Variants in F11R observed in about 807,000 individuals in gnomAD.
The protein encoded by F11R is F11 receptor, also known as junctional adhesion molecule A.
Under a neutral mutation model 39.3 loss-of-function variants are expected in F11R, and 27 were observed. The observed-to-expected ratio is 0.69, with a 90% confidence interval of 0.51 to 0.95. The LOEUF (loss-of-function observed/expected upper bound fraction) is 0.95, where lower values mean the gene tolerates loss of function less well. Ranked by LOEUF, F11R falls within the 40% of genes least tolerant of loss-of-function variation. F11R has a pLI of 0.00. For missense variants in F11R, 335 were observed against 372.7 expected (o/e 0.90, Z 0.83); for synonymous variants, 131 against 144.9 (o/e 0.90, Z 0.69).
chr1:161,018,318 C>A (rs1242258558), intron 1 of F11R, among the ~76,000 whole-genome samples: 1 of 152,188 alleles, frequency 6.6e-6, no homozygotes, highest in Non-Finnish European at 1.5e-5. Context: ...ACAGCAGAGC[C>A]CACAATGAAG....
chr1:161,000,140 A>C lies in F11R; in HGVS notation c.591+6T>G, dbSNP rs869985. On this transcript the variant is annotated splice_donor_region_variant and intron_variant, in intron 5 of 9. Coordinates refer to ENST00000368026, the MANE Select transcript of F11R (RefSeq NM_016946.6). ...CACACATCTTTCACCACCACCCCAT[A>C]CATACCAGCTCTCCTGTTGTGGGAT... 424,225 of 1,612,884 alleles carry C rather than the reference A, an allele frequency of 0.26. 58,895 individuals carry two copies. Among genetic ancestry groups the C allele is most frequent in the Non-Finnish European group, 0.28 (332,448 of 1,179,034 alleles).
At chr1:161,020,575 G>C (rs1171354082) in intron 1 of F11R, among the ~76,000 whole-genome samples, 2 of 152,240 alleles carry the variant, frequency 1.3e-5, no homozygotes, top group African/African-American at 4.8e-5. Flanking sequence ...TTCGAAGACC[G>C]TTAAAGGAGC....
chr1:161,005,412 A>G (rs1648745308), intron 1 of F11R, among the ~76,000 whole-genome samples: 1 of 44,952 alleles, frequency 2.2e-5, no homozygotes, highest in Non-Finnish European at 4.1e-5. Context: ...TGCTGGGCTC[A>G]AGTGACCCAC....
Position 161,006,137 on chromosome 1 carries a change from C to CA in F11R, c.65-4785dup, listed in dbSNP as rs910463399. On this transcript the variant is annotated intron_variant, in intron 1 of 9. Transcript: ENST00000368026. The stretch of plus-strand genomic sequence containing the variant: ...TGGGTAACACAGTGAGACTCCATCT[C>CA]AAAAAAAAAAGGGGGGGGGCACTTC... 9.7e-4 allele frequency among the ~76,000 whole-genome samples: 131 copies of CA among 135,566 alleles called. 1 individual carries two copies. The highest frequency in any genetic ancestry group is 3.1e-3 in the African/African-American group (115 of 36,688). 88.9% of individuals were successfully genotyped at this position (135,566 alleles called of 152,430 possible).
rs754354472 is a variant in F11R, at chr1:161,001,002, G to A, written c.241+18C>T. On this transcript the variant is annotated intron_variant, in intron 3 of 9. Coordinates refer to ENST00000368026, the MANE Select transcript of F11R (RefSeq NM_016946.6). ...CCTCCACAACCTAGGCAATCAGGAA[G>A]GAGGAGAAGCAACTCACCTGTGATC... 3.1e-6 allele frequency: 5 copies of A among 1,599,540 alleles called. No homozygotes were observed. Among genetic ancestry groups the A allele is most frequent in the Non-Finnish European group, 1.7e-6 (2 of 1,166,790 alleles).
rs1415789664 is a variant in F11R at position 160,998,674 on chromosome 1, G to A, written c.*197C>T. The A allele has an allele frequency of 1.6e-6, 1 of 618,676 alleles. No homozygotes were observed. 38.3% of individuals were successfully genotyped at this position (618,676 alleles called of 1,614,324 possible). ...ACAAGTTCCAGGCCACTCAGCAGTG[G>A]TAGGAAAGGGAGGGAGGGCATGAAG... On this transcript the variant is annotated 3_prime_UTR_variant, in exon 10 of 10. Transcript: ENST00000368026.
intron 1 of F11R, among the ~76,000 whole-genome samples, chr1:161,001,596 C>A (rs1170749855): frequency 6.6e-6 from 1 of 152,178 alleles, no homozygotes; most frequent in Middle Eastern, 3.2e-3. Context: ...GTTTCTTTTG[C>A]TTCTAATTTT....
At chr1:161,003,192 C>T (rs1336414330) in intron 1 of F11R, among the ~76,000 whole-genome samples, 3 of 148,136 alleles carry the variant, frequency 2.0e-5, no homozygotes, top group Non-Finnish European at 3.0e-5. Context: ...GGCGCAATCT[C>T]GGCTCACCGC....
intron 1 of F11R, among the ~76,000 whole-genome samples, chr1:161,011,299 C>G (rs1016772319): frequency 6.6e-5 from 10 of 152,154 alleles, no homozygotes; most frequent in Non-Finnish European, 1.3e-4. Context: ...TCCCAAAGTG[C>G]TGGGATTACA....
chr1:161,016,778 G>A (rs1216583144), intron 1 of F11R, among the ~76,000 whole-genome samples: 5 of 152,192 alleles, frequency 3.3e-5, no homozygotes, highest in Non-Finnish European at 5.9e-5. Flanking sequence ...TTCTAGTTTG[G>A]AGGGAACAAT....
chr1:161,007,295 G>A (rs1353576853), intron 1 of F11R, among the ~76,000 whole-genome samples: 2 of 151,550 alleles, frequency 1.3e-5, no homozygotes, highest in East Asian at 1.9e-4. Flanking sequence ...GAGAAACCTC[G>A]TCTCTACTAA....
intron 1 of F11R, among the ~76,000 whole-genome samples, chr1:161,006,431 CA>C (rs1277578683): frequency 1.3e-5 from 2 of 152,208 alleles, no homozygotes; most frequent in Non-Finnish European, 2.9e-5. Context: ...CACACATATA[CA>C]CACAAATCAC....
At chr1:161,004,011 G>A (rs1022903472) in intron 1 of F11R, among the ~76,000 whole-genome samples, 1 of 151,970 alleles carries the variant, frequency 6.6e-6, no homozygotes, top group East Asian at 1.9e-4. Context: ...TGATCCACCC[G>A]CCCTGGCCTC....
At chr1:161,019,367 G>A (rs978068404) in intron 1 of F11R, among the ~76,000 whole-genome samples, 13 of 152,078 alleles carry the variant, frequency 8.5e-5, no homozygotes, top group African/African-American at 3.1e-4. Flanking sequence ...AGGCCGAGGC[G>A]GGTGGATCAC....
At chr1:160,999,157 C>G in intron 8 of F11R, 66 bp from the exon 9 acceptor site, 2 of 1,604,526 alleles carry the variant, frequency 1.2e-6, no homozygotes, top group Non-Finnish European at 1.7e-6. Context: ...CCCTTGCCAA[C>G]TTTAAAGGCC....
chr1:161,001,170 A>C, intron 2 of F11R, 43 bp from the exon 3 acceptor site: 2 of 1,603,920 alleles, frequency 1.2e-6, no homozygotes, highest in Non-Finnish European at 1.7e-6. Flanking sequence ...AAGCAGCAGC[A>C]AATACACGAG....
At chr1:161,002,959 T>G (rs1404046362) in intron 1 of F11R, among the ~76,000 whole-genome samples, 3 of 149,890 alleles carry the variant, frequency 2.0e-5, no homozygotes, top group South Asian at 2.1e-4. Context: ...TTTATTTGTT[T>G]TTTTTTTTTT....
chr1:161,010,316 C>T (rs918475500), intron 1 of F11R, among the ~76,000 whole-genome samples: 3 of 151,400 alleles, frequency 2.0e-5, no homozygotes, highest in Non-Finnish European at 4.4e-5. Flanking sequence ...TGGTGGCAGG[C>T]GCCTGTAATC....
At chr1:161,006,151 G>C (rs1033795497) in intron 1 of F11R, among the ~76,000 whole-genome samples, 2 of 151,678 alleles carry the variant, frequency 1.3e-5, no homozygotes, top group African/African-American at 4.8e-5. Context: ...AAAAAAAGGG[G>C]GGGGGCACTT....
Sources: gnomAD v4.1 joint callset for allele counts (sites outside exome capture counted in the v4.1 genomes callset) on GRCh38, gnomAD v4.1.1 for gene constraint, MANE v1.5 for transcripts, NCBI Gene and HGNC (gene_info 2026-07-23, HGNC 2026-07-21) for gene names.